The following SRPK2 variants were observed in gnomAD, a reference collection of about 807,000 sequenced individuals.
SRPK2 encodes SFRS protein kinase 2.
In SRPK2, 21 loss-of-function variants were observed where a neutral mutation model predicts 90.8. The observed-to-expected ratio is 0.23, with a 90% confidence interval of 0.16 to 0.33. The LOEUF (loss-of-function observed/expected upper bound fraction) is 0.33. Ranked by LOEUF, SRPK2 falls within the 10% of genes least tolerant of loss-of-function variation. SRPK2 has a pLI of 1.00. For missense variants in SRPK2, 620 were observed against 869.0 expected (o/e 0.71, Z 3.60); for synonymous variants, 288 against 311.1 (o/e 0.93, Z 0.78).
In SRPK2 at chr7:105,386,376, A is replaced by C. The variant is rs115043300; in HGVS notation, c.71+2272T>G. On this transcript the variant is annotated intron_variant, in intron 2 of 15. Transcript: ENST00000393651. Reference sequence around the variant, plus strand: ...AAGACAGACATGTAAATACCTATTGAAGACATGAATAAATAAATAACATCA... The same window carrying C: ...AAGACAGACATGTAAATACCTATTGCAGACATGAATAAATAAATAACATCA... Among the ~76,000 whole-genome samples the C allele has an allele frequency of 4.1e-3, 629 of 152,004 alleles. 5 individuals are homozygous for C. The highest frequency in any genetic ancestry group is 0.014 in the African/African-American group (598 of 41,440).
chr7:105,145,376 G>T, intron 8 of SRPK2, 68 bp from the exon 9 acceptor site: 1 of 1,148,946 alleles, frequency 8.7e-7, no homozygotes, highest in South Asian at 1.5e-5. Context: ...TAGGTCATTC[G>T]AATTGCAAAG....
At chr7:105,217,881 T>C (rs1469194218) in intron 2 of SRPK2, among the ~76,000 whole-genome samples, 2 of 152,192 alleles carry the variant, frequency 1.3e-5, no homozygotes, top group African/African-American at 4.8e-5. Flanking sequence ...ATTCAATGTA[T>C]CCAATTTCCA....
At chr7:105,137,530 C>T (rs964920123) in intron 11 of SRPK2, among the ~76,000 whole-genome samples, 4 of 152,098 alleles carry the variant, frequency 2.6e-5, no homozygotes, top group African/African-American at 9.7e-5. Context: ...GGGTCCCCAT[C>T]GAGTGACACA....
intron 2 of SRPK2, among the ~76,000 whole-genome samples, chr7:105,384,244 G>A (rs1586003104): frequency 6.6e-6 from 1 of 152,284 alleles, no homozygotes; most frequent in Middle Eastern, 3.4e-3. Context: ...TAAGATTTGT[G>A]ACTAAACAGC....
intron 15 of SRPK2, among the ~76,000 whole-genome samples, chr7:105,120,080 A>G (rs936399216): frequency 2.0e-5 from 3 of 152,182 alleles, no homozygotes; most frequent in African/African-American, 7.2e-5. Flanking sequence ...CAATTTCCAC[A>G]TTTTCTGTAA....
At chr7:105,129,899 T>G (rs1357586382) in intron 13 of SRPK2, among the ~76,000 whole-genome samples, 1 of 152,132 alleles carries the variant, frequency 6.6e-6, no homozygotes, top group Non-Finnish European at 1.5e-5. Context: ...AGAAGTCTGG[T>G]GAAGTTTGTT....
In SRPK2 at chr7:105,142,423, A is replaced by G; in HGVS notation, c.1128T>C (p.Asp376=). The part of the protein sequence containing the change: ...EKENIEKDED[D]VDQELANIDP... Reference sequence around the variant, plus strand: ...CTATGTTCGCAAGTTCCTGATCTACATCATCTTCATCTTTTTCAATGTTTT... The same window carrying G: ...CTATGTTCGCAAGTTCCTGATCTACGTCATCTTCATCTTTTTCAATGTTTT... Residue 376 remains aspartate, a synonymous_variant, in exon 11 of 16, where the codon GAT becomes GAC. Transcript: ENST00000393651. 6.2e-7 allele frequency: 1 copy of G among 1,613,646 alleles called. No homozygotes were observed.
chr7:105,167,276 A>T, intron 6 of SRPK2, 101 bp downstream of exon 6: 1 of 897,074 alleles, frequency 1.1e-6, no homozygotes, highest in Non-Finnish European at 1.7e-6. Context: ...TAGAGTGTTT[A>T]TGTTGAAGGT....
intron 1 of SRPK2, among the ~76,000 whole-genome samples, chr7:105,395,586 G>A (rs1050886464): frequency 1.3e-5 from 2 of 151,760 alleles, no homozygotes; most frequent in Non-Finnish European, 2.9e-5. Flanking sequence ...AAAAATTAGC[G>A]GGGTATGGTT....
chr7:105,287,458 T>C (rs1262394823), intron 2 of SRPK2, among the ~76,000 whole-genome samples: 3 of 151,444 alleles, frequency 2.0e-5, no homozygotes, highest in Non-Finnish European at 4.4e-5. Context: ...AGGAAATGGC[T>C]GGGTGCAGTG....
At chr7:105,197,321 C>A (rs1297252823) in intron 3 of SRPK2, among the ~76,000 whole-genome samples, 1 of 152,094 alleles carries the variant, frequency 6.6e-6, no homozygotes, top group Non-Finnish European at 1.5e-5. Context: ...AAAATAATGT[C>A]CCTAAGTTTT....
chr7:105,301,816 C>G (rs962875009), intron 2 of SRPK2: 2 of 1,559,990 alleles, frequency 1.3e-6, no homozygotes, highest in African/African-American at 2.7e-5. Flanking sequence ...ATGACCTGTA[C>G]ATTGTTTGAA....
At chr7:105,348,727 T>G (rs533751053) in intron 2 of SRPK2, among the ~76,000 whole-genome samples, 11 of 152,056 alleles carry the variant, frequency 7.2e-5, no homozygotes, top group African/African-American at 2.7e-4. Context: ...CCAGCTGCAT[T>G]TGAACTATTT....
At chr7:105,214,730 T>G (rs1173495607) in intron 2 of SRPK2, among the ~76,000 whole-genome samples, 1 of 152,194 alleles carries the variant, frequency 6.6e-6, no homozygotes, top group Non-Finnish European at 1.5e-5. Flanking sequence ...ACATCCCATA[T>G]TCATGGATTG....
At chr7:105,251,022 C>A (rs149619285) in intron 2 of SRPK2, among the ~76,000 whole-genome samples, 1 of 152,258 alleles carries the variant, frequency 6.6e-6, no homozygotes, top group African/African-American at 2.4e-5. Context: ...GGGTACGTGG[C>A]AGTGGAGGAA....
chr7:105,380,421 A>C (rs1820805124), intron 2 of SRPK2, among the ~76,000 whole-genome samples: 1 of 152,088 alleles, frequency 6.6e-6, no homozygotes, highest in Non-Finnish European at 1.5e-5. Flanking sequence ...ATGCATATAC[A>C]TGTATGCTAG....
Position 105,169,272 on chromosome 7 carries a change from A to AT in SRPK2, c.230-8_230-7insA. 6.2e-7 allele frequency: 1 copy of AT among 1,603,544 alleles called. No homozygotes were observed. The highest frequency in any genetic ancestry group is 8.5e-7 in the Non-Finnish European group (1 of 1,174,478). On this transcript the variant is annotated splice_polypyrimidine_tract_variant and splice_region_variant and intron_variant, in intron 3 of 15. Coordinates refer to ENST00000393651, the MANE Select transcript of SRPK2 (RefSeq NM_182692.3). ...TTCACTGGATGATATCCACCTTAAA[A>AT]AACAAGAAAGAAAGAAAAAAATTCA...
intron 2 of SRPK2, among the ~76,000 whole-genome samples, chr7:105,261,022 T>TAAAAAAAAAAAAAAAA (rs72277307): frequency 8.6e-6 from 1 of 116,038 alleles, no homozygotes; most frequent in Non-Finnish European, 1.7e-5. Flanking sequence ...CCCTAGAAAT[T>TAAAAAAAAAAAAAAAA]AAAAAAAAAA....
intron 2 of SRPK2, among the ~76,000 whole-genome samples, chr7:105,279,400 T>C (rs1342247310): frequency 6.6e-6 from 1 of 152,142 alleles, no homozygotes; most frequent in Non-Finnish European, 1.5e-5. Flanking sequence ...CCAAGAGAAA[T>C]ACTAGTTCAA....
Sources: allele counts gnomAD v4.1 joint callset (sites outside exome capture counted in the v4.1 genomes callset), GRCh38; gene constraint gnomAD v4.1.1; transcripts MANE v1.5; gene names NCBI Gene and HGNC (gene_info 2026-07-23, HGNC 2026-07-21).